Variants in RHOU observed in about 807,000 individuals in gnomAD.
RHOU encodes the protein ras homolog family member U, also known as rho-related GTP-binding protein RhoU.
In RHOU, 8 loss-of-function variants were observed where a neutral mutation model predicts 12.6. The ratio of observed to expected loss-of-function variants is 0.64; its 90% CI spans 0.37 to 1.15. The LOEUF (loss-of-function observed/expected upper bound fraction) is 1.15, where lower values mean the gene tolerates loss of function less well. Ranked by LOEUF, RHOU falls within the 50% of genes most tolerant of loss-of-function variation. The probability of loss-of-function intolerance (pLI) is 0.01; values close to 1 mark genes in which losing one functional copy is unlikely to be tolerated. For synonymous variants in RHOU, 161 were observed against 147.4 expected, an observed-to-expected ratio of 1.09 and a Z score of -0.67; for missense variants, 258 against 347.0, an observed-to-expected ratio of 0.74 and a Z score of 2.04.
the RHOU span, among the ~76,000 whole-genome samples, chr1:228,647,067 G>C: frequency 6.6e-6 from 1 of 152,196 alleles, no homozygotes; most frequent in East Asian, 1.9e-4. Context: ...GAGAACGTTT[G>C]AGCCTTAGAG....
At chr1:228,692,195 A>G in the RHOU span, among the ~76,000 whole-genome samples, 6 of 152,236 alleles carry the variant, frequency 3.9e-5, no homozygotes, top group Admixed American at 3.9e-4. Flanking sequence ...CTGAAAACCC[A>G]AGACTGGAAG....
rs1283969691 is a variant in RHOU, at chr1:228,743,178, G to A, written c.322-107G>A. On this transcript the variant is annotated intron_variant, in intron 2 of 2. Coordinates refer to ENST00000366691, the MANE Select transcript of RHOU (RefSeq NM_021205.6). This position sits in a 1 kb window ranked among gnomAD's most constrained non-coding sequence, Gnocchi z 5.1. ...GCTGGCTCTTCCTTCTAGAACCAGC[G>A]GGTCTTCTATCACCTGCCAGACCCT... 7.1e-6 allele frequency: 7 copies of A among 990,634 alleles called. No individual in the cohort carries two copies. The highest frequency in any genetic ancestry group is 1.6e-5 in the African/African-American group (1 of 61,988). The allele number at this position is 990,634 out of a possible 1,614,324, so 61.4% of individuals were successfully genotyped here.
At chr1:228,710,245 G>C in the RHOU span, among the ~76,000 whole-genome samples, 1 of 152,120 alleles carries the variant, frequency 6.6e-6, no homozygotes, top group Admixed American at 6.5e-5. Flanking sequence ...GGAGGAACTG[G>C]TACCATTCCT....
the RHOU span, among the ~76,000 whole-genome samples, chr1:228,662,385 G>C: frequency 6.6e-6 from 1 of 152,164 alleles, no homozygotes; most frequent in Non-Finnish European, 1.5e-5. Flanking sequence ...GCACGCGAGT[G>C]TTTATTTGCA....
chr1:228,707,130 A>G, the RHOU span, among the ~76,000 whole-genome samples: 9 of 110,184 alleles, frequency 8.2e-5, 1 homozygote, highest in South Asian at 1.3e-3. Context: ...ATATATACAT[A>G]TATATATATA....
chr1:228,661,446 T>C, the RHOU span, among the ~76,000 whole-genome samples: 1 of 152,168 alleles, frequency 6.6e-6, no homozygotes, highest in African/African-American at 2.4e-5. Context: ...AAGGCTACAG[T>C]AACCAAACAG....
chr1:228,725,304 A>AT, the RHOU span, among the ~76,000 whole-genome samples: 10 of 152,122 alleles, frequency 6.6e-5, no homozygotes, highest in African/African-American at 2.4e-4. Flanking sequence ...GCCCAGAGGA[A>AT]TTTTTTACTC....
At chr1:228,736,260 CAAAAAAA>C (rs1204392489) in intron 1 of RHOU, among the ~76,000 whole-genome samples, 8 of 70,916 alleles carry the variant, frequency 1.1e-4, no homozygotes, top group East Asian at 5.2e-4. Flanking sequence ...AGAGCCTTGC[CAAAAAAA>C]AAAAAAAAAA....
chr1:228,676,895 C>T, the RHOU span, among the ~76,000 whole-genome samples: 2 of 152,198 alleles, frequency 1.3e-5, no homozygotes. Flanking sequence ...GCTATTTTCA[C>T]TTCTTTTGTG....
intron 2 of RHOU, among the ~76,000 whole-genome samples, chr1:228,740,375 A>G (rs777476130): frequency 2.0e-5 from 3 of 152,342 alleles, no homozygotes; most frequent in Non-Finnish European, 2.9e-5. Context: ...TAAGACCACT[A>G]TCTAAAAATT....
chr1:228,681,243 G>GC, the RHOU span, among the ~76,000 whole-genome samples: 2 of 146,722 alleles, frequency 1.4e-5, no homozygotes, highest in East Asian at 2.8e-4. Flanking sequence ...TTGGGCAGGA[G>GC]GGGGAGAGCT....
chr1:228,739,495 G>T (rs952613363), intron 2 of RHOU, among the ~76,000 whole-genome samples: 4 of 152,148 alleles, frequency 2.6e-5, no homozygotes, highest in Admixed American at 2.6e-4. Flanking sequence ...CCTGGGAGGC[G>T]GAGGTTGCAG....
At chr1:228,688,580 G>A in the RHOU span, among the ~76,000 whole-genome samples, 15 of 152,122 alleles carry the variant, frequency 9.9e-5, no homozygotes, top group Non-Finnish European at 2.1e-4. Flanking sequence ...GTGGGGAATC[G>A]TGCCTTTCCT....
the RHOU span, among the ~76,000 whole-genome samples, chr1:228,724,874 A>G: frequency 6.6e-6 from 1 of 152,142 alleles, no homozygotes; most frequent in Admixed American, 6.5e-5. Flanking sequence ...ACCCTTATAG[A>G]TAGTAAAGAC....
the RHOU span, chr1:228,652,431 A>G: frequency 6.6e-6 from 1 of 152,354 alleles, no homozygotes; most frequent in African/African-American, 2.4e-5. Context: ...AAAAAGATCA[A>G]TGGAGGCCTT....
the RHOU span, among the ~76,000 whole-genome samples, chr1:228,671,003 G>A: frequency 6.6e-6 from 1 of 151,978 alleles, no homozygotes; most frequent in Non-Finnish European, 1.5e-5. Context: ...CCAGTCTTAA[G>A]TTGTTGTTGT....
At chr1:228,655,352 T>G in the RHOU span, among the ~76,000 whole-genome samples, 1 of 152,194 alleles carries the variant, frequency 6.6e-6, no homozygotes, top group South Asian at 2.1e-4. Flanking sequence ...TCCACCCACC[T>G]AGGCCTCCCA....
At chr1:228,659,105 G>T in the RHOU span, among the ~76,000 whole-genome samples, 2 of 152,134 alleles carry the variant, frequency 1.3e-5, no homozygotes, top group African/African-American at 4.8e-5. Flanking sequence ...AAAGCCGAGC[G>T]TCATGGCTCA....
the RHOU span, among the ~76,000 whole-genome samples, chr1:228,684,001 C>A: frequency 2.6e-5 from 4 of 152,136 alleles, no homozygotes; most frequent in Admixed American, 1.3e-4. Flanking sequence ...TCATAGAATC[C>A]CAGCGTATGC....
Sources: allele counts gnomAD v4.1 joint callset (sites outside exome capture counted in the v4.1 genomes callset), GRCh38; gene constraint gnomAD v4.1.1; non-coding constraint Gnocchi (gnomAD v3.1); transcripts MANE v1.5; gene names NCBI Gene and HGNC (gene_info 2026-07-23, HGNC 2026-07-21).